Variants in TMEM132C observed in about 807,000 individuals in gnomAD.
The protein encoded by TMEM132C is protein phosphatase 1, regulatory subunit 152.
In TMEM132C, 29 loss-of-function variants were observed where a neutral mutation model predicts 61.4. The observed-to-expected ratio is 0.47, with a 90% CI of 0.35 to 0.64. The LOEUF (loss-of-function observed/expected upper bound fraction) is 0.64. TMEM132C is among the 30% of genes least tolerant of loss of function. TMEM132C has a pLI of 0.00. For synonymous variants in TMEM132C, 656 were observed against 633.1 expected (o/e 1.04, Z -0.54); for missense variants, 1,408 against 1,476.9 (o/e 0.95, Z 0.76).
chr12:128,358,000 T>A (rs981874275), intron 1 of TMEM132C, among the ~76,000 whole-genome samples: 2 of 152,104 alleles, frequency 1.3e-5, no homozygotes, highest in African/African-American at 4.8e-5. Context: ...CCGGGGGTTT[T>A]GTGTCGGCAT....
intron 3 of TMEM132C, among the ~76,000 whole-genome samples, chr12:128,614,060 C>T (rs1352857447): frequency 6.6e-6 from 1 of 152,186 alleles, no homozygotes; most frequent in Non-Finnish European, 1.5e-5. Context: ...GGAGACACCT[C>T]AGGCTGGATG....
chr12:128,441,426 C>T lies in TMEM132C; in HGVS notation c.974+25806C>T, dbSNP rs114095690. On this transcript the variant is annotated intron_variant, in intron 2 of 8. Coordinates refer to ENST00000435159, the MANE Select transcript of TMEM132C (RefSeq NM_001136103.3). ...TGCTACAAGGCGATGGCTTAGTAAA[C>T]AGTTGGTTCCACTGCTAAAAGCATA... Among the ~76,000 whole-genome samples, 661 of 152,332 alleles carry T rather than the reference C, an allele frequency of 4.3e-3. 3 individuals are homozygous for T. Among genetic ancestry groups the T allele is most frequent in the African/African-American group, 0.015 (628 of 41,576 alleles).
chr12:128,687,429 G>A (rs947416939), intron 5 of TMEM132C, among the ~76,000 whole-genome samples: 5 of 152,108 alleles, frequency 3.3e-5, no homozygotes, highest in Non-Finnish European at 7.4e-5. Flanking sequence ...CAATCAAGAT[G>A]CCCAGAGATG....
chr12:128,495,272 G>C (rs915562467), intron 2 of TMEM132C, among the ~76,000 whole-genome samples: 13 of 151,934 alleles, frequency 8.6e-5, no homozygotes, highest in African/African-American at 3.1e-4. Context: ...GGTCACTTTT[G>C]GAATAAGTGT....
At chr12:128,510,380 G>C (rs1461685775) in intron 2 of TMEM132C, among the ~76,000 whole-genome samples, 1 of 152,192 alleles carries the variant, frequency 6.6e-6, no homozygotes, top group East Asian at 1.9e-4. Flanking sequence ...TGGCAGGCCA[G>C]GGACAGGATT....
At chr12:128,499,748 C>T (rs750860435) in intron 2 of TMEM132C, among the ~76,000 whole-genome samples, 3 of 152,190 alleles carry the variant, frequency 2.0e-5, no homozygotes, top group South Asian at 2.1e-4. Flanking sequence ...AATAATACTC[C>T]GTTGTGTATC....
intron 4 of TMEM132C, among the ~76,000 whole-genome samples, chr12:128,631,020 A>G (rs1455630509): frequency 6.6e-6 from 1 of 152,224 alleles, no homozygotes; most frequent in East Asian, 1.9e-4. Flanking sequence ...CAACAGAGTG[A>G]GACTGTCTCA....
intron 1 of TMEM132C, among the ~76,000 whole-genome samples, chr12:128,387,627 C>T (rs139294435): frequency 5.3e-5 from 8 of 152,022 alleles, no homozygotes; most frequent in South Asian, 2.1e-4. Context: ...CTGGCTGACA[C>T]GATGAAACCC....
At chr12:128,536,797 C>T (rs1255713461) in intron 2 of TMEM132C, among the ~76,000 whole-genome samples, 2 of 152,044 alleles carry the variant, frequency 1.3e-5, no homozygotes, top group Non-Finnish European at 2.9e-5. Context: ...AATTTCCTTT[C>T]ATAAGACATG....
chr12:128,563,728 A>G (rs1211567679), intron 3 of TMEM132C, among the ~76,000 whole-genome samples: 1 of 152,196 alleles, frequency 6.6e-6, no homozygotes, highest in Non-Finnish European at 1.5e-5. Flanking sequence ...TGTTATGGGG[A>G]TGACAAGTAA....
intron 1 of TMEM132C, among the ~76,000 whole-genome samples, chr12:128,286,012 C>T (rs202026905): frequency 3.3e-5 from 4 of 119,694 alleles, no homozygotes; most frequent in African/African-American, 9.4e-5. Flanking sequence ...CATCTCTATC[C>T]CTCTCTCCCT....
chr12:128,380,748 A>T (rs950437758), intron 1 of TMEM132C, among the ~76,000 whole-genome samples: 4 of 152,024 alleles, frequency 2.6e-5, no homozygotes, highest in Non-Finnish European at 5.9e-5. Flanking sequence ...CCATCTCTTT[A>T]AAAAAAAGAG....
At position 128,570,618 on chromosome 12, in the gene TMEM132C, CA is replaced by C. The variant is rs1565977218; in HGVS notation, c.1121+26517del. Among the ~76,000 whole-genome samples the C allele has an allele frequency of 6.6e-6, 1 of 152,072 alleles. No individual in the cohort carries two copies. Among genetic ancestry groups the C allele is most frequent in the Admixed American group, 6.5e-5 (1 of 15,270 alleles). ...GGCTGTGGCTGGCTCAGTGTCTCCACAACGCCAGGGGACCCAGGCTCCTTTT... is the reference window on the plus strand; with the variant it reads ...GGCTGTGGCTGGCTCAGTGTCTCCACACGCCAGGGGACCCAGGCTCCTTTT... On this transcript the variant is annotated intron_variant, in intron 3 of 8. Transcript: ENST00000435159. This position sits in a 1 kb window ranked among gnomAD's most constrained non-coding sequence, Gnocchi z 4.7.
intron 3 of TMEM132C, among the ~76,000 whole-genome samples, chr12:128,555,226 A>G: frequency 6.6e-6 from 1 of 152,260 alleles, no homozygotes; most frequent in Admixed American, 6.5e-5. Context: ...AAGCAGTCTC[A>G]GTTGCATACC....
At chr12:128,678,030 C>T (rs544856222) in intron 5 of TMEM132C, among the ~76,000 whole-genome samples, 9 of 152,322 alleles carry the variant, frequency 5.9e-5, no homozygotes, top group African/African-American at 1.7e-4. Context: ...ATTTTGCAGG[C>T]TCCAAGTCCT....
intron 3 of TMEM132C, among the ~76,000 whole-genome samples, chr12:128,581,157 A>G (rs1279108681): frequency 6.6e-6 from 1 of 152,170 alleles, no homozygotes; most frequent in Non-Finnish European, 1.5e-5. Context: ...CAGGGAGCAG[A>G]TATAAAGTCA....
intron 8 of TMEM132C, among the ~76,000 whole-genome samples, chr12:128,698,985 G>T (rs1375184289): frequency 6.6e-6 from 1 of 152,318 alleles, no homozygotes; most frequent in Admixed American, 6.5e-5. Flanking sequence ...AAGGGAGCAG[G>T]CATGATGACA....
rs1381465038 is a variant in TMEM132C at position 128,415,767 on chromosome 12, CCTGCCCACATGCTCTCAACAGCCCT to C, written c.974+149_974+173del. On this transcript the variant is annotated intron_variant, in intron 2 of 8. Transcript: ENST00000435159. The surrounding 1 kb of genome is among the most constrained non-coding windows in gnomAD (Gnocchi z 5.8). ...TTAACAGGGGAAGGCAAATTATGCA[CCTGCCCACATGCTCTCAACAGCCCT>C]CCTTACACCGTGGGTTATGGAGGGA... is the stretch of plus-strand genomic sequence containing the variant. The C allele has an allele frequency of 1.1e-6, 1 of 908,718 alleles. No individual in the cohort carries two copies. The highest frequency in any genetic ancestry group is 1.7e-5 in the African/African-American group (1 of 59,670). 56.3% of individuals were successfully genotyped at this position (908,718 alleles called of 1,614,324 possible).
intron 2 of TMEM132C, among the ~76,000 whole-genome samples, chr12:128,434,671 C>T (rs902872982): frequency 2.0e-5 from 3 of 151,964 alleles, no homozygotes; most frequent in Non-Finnish European, 4.4e-5. Flanking sequence ...GGCATGATCT[C>T]GGCTCACTGC....
Sources: allele counts gnomAD v4.1 joint callset (sites outside exome capture counted in the v4.1 genomes callset), GRCh38; gene constraint gnomAD v4.1.1; non-coding constraint Gnocchi (gnomAD v3.1); transcripts MANE v1.5; gene names NCBI Gene and HGNC (gene_info 2026-07-23, HGNC 2026-07-21).